Variants in KCND2 observed in about 807,000 individuals in gnomAD.
The protein encoded by KCND2 is A-type voltage-gated potassium channel KCND2.
A neutral mutation model predicts 54.4 loss-of-function variants in KCND2; 16 were observed. The observed-to-expected ratio is 0.29, with a 90% CI of 0.20 to 0.45. The LOEUF (loss-of-function observed/expected upper bound fraction) is 0.45. KCND2 is among the 20% of genes least tolerant of loss of function. The pLI is 1.00. For missense variants in KCND2, 486 were observed against 824.2 expected (o/e 0.59, Z 5.02); for synonymous variants, 317 against 310.7 (o/e 1.02, Z -0.21).
At chr7:120,683,138 T>C in intron 1 of KCND2, among the ~76,000 whole-genome samples, 1 of 152,200 alleles carries the variant, frequency 6.6e-6, no homozygotes, top group East Asian at 2.0e-4. Context: ...GGTTGAATAC[T>C]ACTTTTTTCT....
At chr7:120,424,573 G>GA (rs1045653672) in intron 1 of KCND2, among the ~76,000 whole-genome samples, 2 of 152,054 alleles carry the variant, frequency 1.3e-5, no homozygotes, top group Non-Finnish European at 2.9e-5. Context: ...GATTTTGTAG[G>GA]AAAAAAGACA....
intron 1 of KCND2, among the ~76,000 whole-genome samples, chr7:120,666,242 A>C (rs949191711): frequency 6.6e-6 from 1 of 152,024 alleles, no homozygotes; most frequent in Non-Finnish European, 1.5e-5. Flanking sequence ...TTTGAGATCT[A>C]AAGAACATTG....
chr7:120,552,805 T>G (rs1056534128), intron 1 of KCND2, among the ~76,000 whole-genome samples: 1 of 152,220 alleles, frequency 6.6e-6, no homozygotes, highest in African/African-American at 2.4e-5. Context: ...CAGGACACCA[T>G]ATTTTTGGGT....
intron 1 of KCND2, among the ~76,000 whole-genome samples, chr7:120,355,336 C>G (rs974140134): frequency 6.6e-6 from 1 of 152,106 alleles, no homozygotes; most frequent in African/African-American, 2.4e-5. Context: ...CACCTGAAGT[C>G]AGGACTTCAA....
intron 1 of KCND2, among the ~76,000 whole-genome samples, chr7:120,506,130 T>G (rs1414788100): frequency 6.6e-6 from 1 of 151,724 alleles, no homozygotes. Flanking sequence ...TTTTGAAATT[T>G]TTTTTTCTTC....
At position 120,742,721 on chromosome 7, in the gene KCND2, AAAAC is replaced by A. The variant is rs553464349; in HGVS notation, c.1467+128_1467+131del. 34 of 801,550 alleles carry A rather than the reference AAAAC, an allele frequency of 4.2e-5. No homozygotes were observed. In the Admixed American group the frequency reaches 4.9e-4, roughly 12 times the overall value. 49.7% of individuals were successfully genotyped at this position (801,550 alleles called of 1,614,324 possible). On this transcript the variant is annotated intron_variant, in intron 4 of 5. Transcript: ENST00000331113. ...TCTGCATTACTGGAAAACATGCTAA[AAAAC>A]AAACAAACCAAAACCCCACAATATT...
At chr7:120,305,378 G>T (rs1799637811) in intron 1 of KCND2, among the ~76,000 whole-genome samples, 3 of 152,064 alleles carry the variant, frequency 2.0e-5, no homozygotes, top group Admixed American at 2.0e-4. Context: ...ATGGCTAGAT[G>T]TAAGGTAAAG....
In KCND2 at chr7:120,663,538, A is replaced by C. The variant is rs549860373; in HGVS notation, c.1116-69365A>C. On this transcript the variant is annotated intron_variant, in intron 1 of 5. Coordinates refer to ENST00000331113, the MANE Select transcript of KCND2 (RefSeq NM_012281.3). Reference sequence around the variant, plus strand: ...TTAATTATAGGATAGATATAACAATAGAAATACAAGATATAAGGAAGAAAT... The same window carrying C: ...TTAATTATAGGATAGATATAACAATCGAAATACAAGATATAAGGAAGAAAT... 1.4e-4 allele frequency among the ~76,000 whole-genome samples: 21 copies of C among 152,306 alleles called. No individual in the cohort carries two copies. The South Asian group carries it at 4.4e-3, about 32-fold the overall frequency.
At chr7:120,324,255 T>C (rs1297978465) in intron 1 of KCND2, among the ~76,000 whole-genome samples, 2 of 150,906 alleles carry the variant, frequency 1.3e-5, no homozygotes, top group Non-Finnish European at 3.0e-5. Context: ...AGGTTGCCTG[T>C]TCACTCTGAT....
intron 1 of KCND2, among the ~76,000 whole-genome samples, chr7:120,625,161 T>C (rs1258872425): frequency 6.6e-6 from 1 of 152,078 alleles, no homozygotes; most frequent in East Asian, 1.9e-4. Context: ...GCCTCATAAG[T>C]GATGTCTAAG....
At chr7:120,463,444 T>C (rs1470406160) in intron 1 of KCND2, among the ~76,000 whole-genome samples, 1 of 149,744 alleles carries the variant, frequency 6.7e-6, no homozygotes, top group Non-Finnish European at 1.5e-5. Flanking sequence ...TTGAAAAGTA[T>C]TGCCAGTAAT....
intron 1 of KCND2, among the ~76,000 whole-genome samples, chr7:120,313,022 T>C (rs1015995398): frequency 6.6e-6 from 1 of 152,214 alleles, no homozygotes; most frequent in Non-Finnish European, 1.5e-5. Context: ...TGCTTTTCCA[T>C]TGCAGGAATC....
chr7:120,511,022 T>TCACA (rs1436329045), intron 1 of KCND2, among the ~76,000 whole-genome samples: 14 of 140,106 alleles, frequency 1.0e-4, no homozygotes, highest in African/African-American at 4.4e-4. Context: ...TCTCTCTCTC[T>TCACA]CTCACACACA....
chr7:120,462,598 T>G (rs1802299222), intron 1 of KCND2, among the ~76,000 whole-genome samples: 1 of 152,026 alleles, frequency 6.6e-6, no homozygotes, highest in African/African-American at 2.4e-5. Flanking sequence ...ATTTTTAAAG[T>G]GTAATATTAA....
intron 1 of KCND2, among the ~76,000 whole-genome samples, chr7:120,704,184 A>G (rs1792437598): frequency 1.3e-5 from 2 of 152,060 alleles, no homozygotes; most frequent in Admixed American, 6.6e-5. Context: ...TATAACCTCT[A>G]TCTGTTTATT....
rs1793001937 is a variant in KCND2, at chr7:120,746,032, C to G, written c.1715+5C>G. 4 of 1,612,302 alleles carry G rather than the reference C, an allele frequency of 2.5e-6. No homozygotes were observed. The highest frequency in any genetic ancestry group is 3.4e-6 in the Non-Finnish European group (4 of 1,179,600). On this transcript the variant is annotated splice_donor_5th_base_variant and intron_variant, in intron 5 of 5. Coordinates refer to ENST00000331113, the MANE Select transcript of KCND2 (RefSeq NM_012281.3). Reference sequence around the variant, plus strand: ...GAGAACACCTCTGTCTAACAGGTACCTGAGATTAATCTGTGTTGTCTACAC... The same window carrying G: ...GAGAACACCTCTGTCTAACAGGTACGTGAGATTAATCTGTGTTGTCTACAC...
intron 1 of KCND2, among the ~76,000 whole-genome samples, chr7:120,573,672 G>T (rs1792393290): frequency 6.6e-6 from 1 of 152,122 alleles, no homozygotes; most frequent in Non-Finnish European, 1.5e-5. Context: ...AAGTTGTTTA[G>T]TGCTATCAAT....
In KCND2 at chr7:120,465,504, GA is replaced by G. The variant is rs35710286; in HGVS notation, c.1115+189766del. Reference sequence around the variant, plus strand: ...AGATGGAGAACAATAAATGGACCATGAAAAAAAAAGAAACAAAGATCAAAGA... The same window carrying G: ...AGATGGAGAACAATAAATGGACCATGAAAAAAAAGAAACAAAGATCAAAGA... On this transcript the variant is annotated intron_variant, in intron 1 of 5. Transcript: ENST00000331113. Among the ~76,000 whole-genome samples, 9 of 150,374 alleles carry G rather than the reference GA, an allele frequency of 6.0e-5. 1 individual carries two copies. Among genetic ancestry groups the G allele is most frequent in the Admixed American group, 2.0e-4 (3 of 15,066 alleles).
At chr7:120,406,601 A>G (rs952136117) in intron 1 of KCND2, among the ~76,000 whole-genome samples, 4 of 152,056 alleles carry the variant, frequency 2.6e-5, no homozygotes, top group Non-Finnish European at 4.4e-5. Flanking sequence ...TAATAGCAAA[A>G]TTAATGGTGT....
Sources: gnomAD v4.1 joint callset for allele counts (sites outside exome capture counted in the v4.1 genomes callset) on GRCh38, gnomAD v4.1.1 for gene constraint, MANE v1.5 for transcripts, NCBI Gene and HGNC (gene_info 2026-07-23, HGNC 2026-07-21) for gene names.